Variants in PREP observed in about 807,000 individuals in gnomAD.
The protein encoded by PREP is dJ355L5.1 (prolyl endopeptidase).
PREP carries 29 observed loss-of-function variants against 87.6 expected under a neutral mutation model. That is an observed-to-expected ratio of 0.33 (90% CI 0.25 to 0.45). The LOEUF (loss-of-function observed/expected upper bound fraction) is 0.45. Ranked by LOEUF, PREP falls within the 20% of genes least tolerant of loss-of-function variation. PREP has a pLI of 1.00. For synonymous variants in PREP, 337 were observed against 328.6 expected (o/e 1.03, Z -0.28); for missense variants, 695 against 886.5 (o/e 0.78, Z 2.74).
At chr6:105,359,475 C>CA (rs1164488532) in intron 6 of PREP, among the ~76,000 whole-genome samples, 2 of 152,184 alleles carry the variant, frequency 1.3e-5, no homozygotes, top group African/African-American at 4.8e-5. Context: ...TCAAAGGCTA[C>CA]ACTGGTTTAT....
At chr6:105,325,490 G>A in intron 9 of PREP, among the ~76,000 whole-genome samples, 1 of 152,190 alleles carries the variant, frequency 6.6e-6, no homozygotes, top group East Asian at 1.9e-4. Context: ...ACCACAGAAT[G>A]AAATAAATAT....
chr6:105,361,143 T>C (rs1376371016), intron 6 of PREP, among the ~76,000 whole-genome samples: 2 of 152,206 alleles, frequency 1.3e-5, no homozygotes, highest in East Asian at 3.8e-4. Flanking sequence ...AAAGAATACC[T>C]GAGCTTTCCA....
At position 105,403,048 on chromosome 6, in the gene PREP, G is replaced by GCC; in HGVS notation, c.-158_-157insGG. The GCC allele has an allele frequency of 3.4e-6, 1 of 293,012 alleles. No homozygotes were observed. Among genetic ancestry groups the GCC allele is most frequent in the Non-Finnish European group, 6.2e-6 (1 of 160,424 alleles). 18.2% of individuals were successfully genotyped at this position (293,012 alleles called of 1,614,324 possible). A position where few individuals can be genotyped will look rare whatever the true frequency, so the allele number is the denominator to read the frequency against. On this transcript the variant is annotated 5_prime_UTR_variant, in exon 1 of 15. Coordinates refer to ENST00000652536, the MANE Select transcript of PREP (RefSeq NM_002726.5). ...CTCACGGCCAGAGCTAGCACAAACG[G>GCC]ACTGGCGGCGCGGCGGCGAGGACGT...
intron 6 of PREP, among the ~76,000 whole-genome samples, chr6:105,360,114 C>T (rs924122268): frequency 1.3e-5 from 2 of 152,188 alleles, no homozygotes; most frequent in East Asian, 1.9e-4. Context: ...CACTTCTCTC[C>T]GCCTCAGGTC....
chr6:105,379,770 T>C (rs946808946), intron 2 of PREP, among the ~76,000 whole-genome samples: 3 of 152,306 alleles, frequency 2.0e-5, no homozygotes, highest in African/African-American at 2.4e-5. Flanking sequence ...GATCGTGGCA[T>C]TGTGGATGGA....
chr6:105,386,512 T>A (rs1323578913), intron 2 of PREP, among the ~76,000 whole-genome samples: 2 of 151,892 alleles, frequency 1.3e-5, no homozygotes, highest in Non-Finnish European at 2.9e-5. Flanking sequence ...TCTGGAAGAG[T>A]CCCAGAAATT....
chr6:105,385,331 G>A (rs377047922), intron 2 of PREP, among the ~76,000 whole-genome samples: 1 of 147,886 alleles, frequency 6.8e-6, no homozygotes, highest in Admixed American at 6.8e-5. Context: ...CCAAAGCTCT[G>A]GCTAAACTAA....
In PREP at chr6:105,274,274, C is replaced by T. The variant is rs1769891551; in HGVS notation, c.*3870G>A. 6.6e-6 allele frequency among the ~76,000 whole-genome samples: 1 copy of T among 151,604 alleles called. No individual in the cohort carries two copies. The highest frequency in any genetic ancestry group is 2.4e-5 in the African/African-American group (1 of 41,066). On this transcript the variant is annotated 3_prime_UTR_variant, in exon 15 of 15. Transcript: ENST00000652536. The stretch of plus-strand genomic sequence containing the variant: ...CATAGGTGACACCGTCTCCTGTGTC[C>T]TCACATGGTGGAAGGGATGGGGCGG...
chr6:105,402,575 C>A (rs62419687), intron 1 of PREP, among the ~76,000 whole-genome samples: 1,817 of 152,286 alleles, frequency 0.012, 30 homozygotes, highest in Non-Finnish European at 0.015. Context: ...TCTACCCGGG[C>A]GTCTGCCCTT....
chr6:105,289,604 T>C (rs886936269), intron 10 of PREP, among the ~76,000 whole-genome samples: 6 of 152,084 alleles, frequency 3.9e-5, no homozygotes, highest in Non-Finnish European at 5.9e-5. Context: ...TCCTTATCCT[T>C]TTGGATAAAG....
At chr6:105,394,863 G>A (rs1442279320) in intron 2 of PREP, among the ~76,000 whole-genome samples, 1 of 152,220 alleles carries the variant, frequency 6.6e-6, no homozygotes, top group Non-Finnish European at 1.5e-5. Context: ...AAATACCTGA[G>A]AATGGAGAAG....
intron 7 of PREP, 66 bp downstream of exon 7, chr6:105,352,906 A>C: frequency 7.3e-7 from 1 of 1,371,922 alleles, no homozygotes; most frequent in Non-Finnish European, 1.0e-6. Context: ...CAATTAATAG[A>C]CCACAATAAT....
At position 105,282,511 on chromosome 6, in the gene PREP, C is replaced by T. The variant is rs1317692972; in HGVS notation, c.1621G>A (p.Gly541Ser). 1.2e-6 allele frequency: 2 copies of T among 1,614,124 alleles called. No individual in the cohort carries two copies. The highest frequency in any genetic ancestry group is 1.7e-5 in the Admixed American group (1 of 60,026). Residue 541 changes from glycine (G) to serine (S), a missense_variant, in exon 13 of 15, where the codon GGT (glycine) becomes AGT (serine). Gly to Ser is a moderately conservative substitution (Grantham distance 56). Transcript: ENST00000652536. ...QCAAEYLIKE[G>S]YTSPKRLTIN... ...GTCAGCCTCTTGGGAGATGTGTAAC[C>T]TTCCTTGATCAGATACTCAGCAGCA...
intron 6 of PREP, among the ~76,000 whole-genome samples, chr6:105,367,246 G>A (rs1403029497): frequency 6.6e-6 from 1 of 152,074 alleles, no homozygotes; most frequent in East Asian, 1.9e-4. Flanking sequence ...TCTATGGTAC[G>A]CAGAAGCCTT....
chr6:105,357,489 T>A (rs373168661), intron 6 of PREP, among the ~76,000 whole-genome samples: 6 of 152,160 alleles, frequency 3.9e-5, no homozygotes, highest in African/African-American at 1.2e-4. Context: ...ATTAAGTCAG[T>A]CCTCTTCATT....
At position 105,402,871 on chromosome 6, in the gene PREP, G is replaced by C. The variant is rs749380632; in HGVS notation, c.21C>G (p.Pro7=). ...CGGCGGTCTCGTCGCGGTACACGTC[G>C]GGGTACTGAAGGGACAGCATGGCCG... MLSLQY[P]DVYRDETAVQ... Residue 7 remains proline (P), a synonymous_variant, in exon 1 of 15, where the codon CCC becomes CCG. Coordinates refer to ENST00000652536, the MANE Select transcript of PREP (RefSeq NM_002726.5). 5.2e-6 allele frequency: 8 copies of C among 1,544,300 alleles called. No individual in the cohort carries two copies. In the East Asian group the frequency reaches 1.7e-4, roughly 32 times the overall value.
chr6:105,366,942 G>A (rs1475000972), intron 6 of PREP, among the ~76,000 whole-genome samples: 2 of 152,200 alleles, frequency 1.3e-5, no homozygotes, highest in Admixed American at 6.5e-5. Context: ...GGGTGGAGAG[G>A]GGTGGGGGAA....
chr6:105,346,785 TTAAAA>T (rs1771809854), intron 7 of PREP, among the ~76,000 whole-genome samples: 2 of 152,172 alleles, frequency 1.3e-5, no homozygotes, highest in Admixed American at 6.5e-5. Context: ...AAGAATTCTA[TTAAAA>T]ATCTCTGATA....
intron 7 of PREP, among the ~76,000 whole-genome samples, chr6:105,334,198 C>T (rs1771420395): frequency 6.6e-6 from 1 of 152,206 alleles, no homozygotes; most frequent in Non-Finnish European, 1.5e-5. Flanking sequence ...TAGAAACTTT[C>T]AATGACTTCT....
Sources: gnomAD v4.1 joint callset for allele counts (sites outside exome capture counted in the v4.1 genomes callset) on GRCh38, gnomAD v4.1.1 for gene constraint, MANE v1.5 for transcripts, NCBI Gene and HGNC (gene_info 2026-07-23, HGNC 2026-07-21) for gene names.